CCDC141: variants seen among roughly 807,000 people sequenced by gnomAD.
CCDC141 encodes the protein coiled-coil domain containing 141.
CCDC141 carries 168 observed loss-of-function variants against 181.0 expected under a neutral mutation model. That is an observed-to-expected ratio of 0.93 (90% CI 0.82 to 1.05). The LOEUF (loss-of-function observed/expected upper bound fraction) is 1.05, where lower values mean the gene tolerates loss of function less well. CCDC141 is among the 50% of genes least tolerant of loss of function. CCDC141 has a pLI of 0.00. For synonymous variants in CCDC141, 666 were observed against 642.3 expected (o/e 1.04, Z -0.56); for missense variants, 1,902 against 1,788.5 (o/e 1.06, Z -1.14).
intron 10 of CCDC141, among the ~76,000 whole-genome samples, chr2:178,886,426 A>G (rs1283414294): frequency 6.6e-6 from 1 of 152,226 alleles, no homozygotes; most frequent in Non-Finnish European, 1.5e-5. Flanking sequence ...AATTGCCAAT[A>G]GTCAGAGAAG....
intron 11 of CCDC141, among the ~76,000 whole-genome samples, chr2:178,879,425 C>T (rs1434119078): frequency 6.6e-6 from 1 of 152,124 alleles, no homozygotes; most frequent in African/African-American, 2.4e-5. Flanking sequence ...GAAGCTGTCT[C>T]CTCATTTCCA....
intron 2 of CCDC141, among the ~76,000 whole-genome samples, chr2:178,981,370 T>C (rs774323663): frequency 1.0e-4 from 15 of 143,188 alleles, no homozygotes; most frequent in Non-Finnish European, 2.0e-4. Flanking sequence ...TTACCAAAAT[T>C]TTAAAAACAG....
intron 5 of CCDC141, among the ~76,000 whole-genome samples, chr2:178,955,143 G>A (rs941308049): frequency 5.3e-5 from 8 of 152,062 alleles, no homozygotes; most frequent in Non-Finnish European, 7.4e-5. Context: ...AAATATAGCC[G>A]GCATGGTGGC....
chr2:178,826,857 C>A (rs570596867), downstream of CCDC141, among the ~76,000 whole-genome samples: 212 of 152,010 alleles, frequency 1.4e-3, 2 homozygotes, highest in African/African-American at 4.9e-3. Flanking sequence ...TTTTAAATGT[C>A]ATTGATTTAC....
intron 8 of CCDC141, among the ~76,000 whole-genome samples, chr2:178,901,519 C>T (rs1475789879): frequency 6.6e-6 from 1 of 152,118 alleles, no homozygotes; most frequent in African/African-American, 2.4e-5. Flanking sequence ...ATGATAATCT[C>T]AATAGATGCA....
rs917597060 is a variant in CCDC141 at position 179,047,412 on chromosome 2, A to C, written c.103-6T>G. 6.0e-6 allele frequency: 9 copies of C among 1,496,914 alleles called. No homozygotes were observed. The South Asian group carries it at 1.2e-4, about 20-fold the overall frequency. The allele number at this position is 1,496,914 out of a possible 1,614,324, so 92.7% of individuals were successfully genotyped here. On this transcript the variant is annotated splice_region_variant and splice_polypyrimidine_tract_variant and intron_variant, in intron 1 of 23. Transcript: ENST00000443758. ...AGTTGTACCCATTTGCCACACTAAA[A>C]ATAAAAATTAAATAAAATGCACTTT...
chr2:178,817,410 G>A, the CCDC141 span: 1 of 446,486 alleles, frequency 2.2e-6, no homozygotes, highest in Non-Finnish European at 4.6e-6. Context: ...TAGGACAGAA[G>A]TACTTCCTAG....
At chr2:178,973,207 A>T (rs1690976648) in intron 4 of CCDC141, among the ~76,000 whole-genome samples, 1 of 152,108 alleles carries the variant, frequency 6.6e-6, no homozygotes, top group Non-Finnish European at 1.5e-5. Context: ...CATCAACTTC[A>T]TTTTTTTGTT....
At chr2:178,840,115 C>T (rs1348174183) in intron 22 of CCDC141, among the ~76,000 whole-genome samples, 1 of 152,222 alleles carries the variant, frequency 6.6e-6, no homozygotes, top group African/African-American at 2.4e-5. Flanking sequence ...TCCAGCTGCT[C>T]TCCAACTTTA....
At position 178,832,748 on chromosome 2, in the gene CCDC141, C is replaced by T. The variant is rs1330916945; in HGVS notation, c.*1425G>A. 1 of 152,076 alleles carries T rather than the reference C, an allele frequency of 6.6e-6. No individual in the cohort carries two copies. The highest frequency in any genetic ancestry group is 1.5e-5 in the Non-Finnish European group (1 of 68,018). 9.4% of individuals were successfully genotyped at this position (152,076 alleles called of 1,614,324 possible). On this transcript the variant is annotated 3_prime_UTR_variant, in exon 24 of 24. Transcript: ENST00000443758. ...TTATTTGTAGACAGTCTTCCAGCAACATAATTAATTTCTTCCCTTCATCAA... is the reference window on the plus strand; with the variant it reads ...TTATTTGTAGACAGTCTTCCAGCAATATAATTAATTTCTTCCCTTCATCAA...
the CCDC141 span, among the ~76,000 whole-genome samples, chr2:178,819,074 A>G: frequency 2.6e-5 from 4 of 152,226 alleles, no homozygotes; most frequent in Non-Finnish European, 5.9e-5. Flanking sequence ...GAGTTTCCAA[A>G]GTAAAAAAGC....
chr2:178,949,159 C>T (rs1689849021), intron 5 of CCDC141, among the ~76,000 whole-genome samples: 3 of 151,964 alleles, frequency 2.0e-5, no homozygotes, highest in South Asian at 2.1e-4. Flanking sequence ...AAGAGTGGGA[C>T]GGTATTTAGT....
At position 178,954,134 on chromosome 2, in the gene CCDC141, G is replaced by A. The variant is rs149209108; in HGVS notation, c.780+7096C>T. 2.0e-3 allele frequency among the ~76,000 whole-genome samples: 300 copies of A among 152,274 alleles called. 1 individual carries two copies. The highest frequency in any genetic ancestry group is 6.9e-3 in the African/African-American group (286 of 41,554). On this transcript the variant is annotated intron_variant, in intron 5 of 23. Transcript: ENST00000443758. ...TCTCCTAGACGTCCTTGACACTGTCGTGTACGCAGAGACCATGAATAGCTT... is the reference window on the plus strand; with the variant it reads ...TCTCCTAGACGTCCTTGACACTGTCATGTACGCAGAGACCATGAATAGCTT...
chr2:179,029,091 T>C (rs949823982), intron 2 of CCDC141, among the ~76,000 whole-genome samples: 10 of 152,140 alleles, frequency 6.6e-5, no homozygotes, highest in African/African-American at 2.4e-4. Context: ...CTTATATTTG[T>C]CTCAGCCAAA....
At chr2:178,867,676 T>G (rs1183885485) in intron 16 of CCDC141, among the ~76,000 whole-genome samples, 1 of 152,184 alleles carries the variant, frequency 6.6e-6, no homozygotes, top group Non-Finnish European at 1.5e-5. Flanking sequence ...TATATTTAAA[T>G]TAATGCAAGT....
chr2:178,824,089 C>CACACACACAT, the CCDC141 span, among the ~76,000 whole-genome samples: 1 of 151,640 alleles, frequency 6.6e-6, no homozygotes. Context: ...CACACACACA[C>CACACACACAT]GTATAGCAAA....
intron 14 of CCDC141, among the ~76,000 whole-genome samples, chr2:178,870,597 A>G (rs1389925745): frequency 6.6e-6 from 1 of 152,188 alleles, no homozygotes; most frequent in Non-Finnish European, 1.5e-5. Context: ...TGTGGATTAC[A>G]ATGGTGGGTG....
chr2:178,868,097 C>T lies in CCDC141; in HGVS notation c.2503G>A (p.Ala835Thr), dbSNP rs764586583. ...AGTCTGTGGAGATGGTCTACACGGGCTTGCTTTTCCTGAGAGCACCGGAGG... is the reference window on the plus strand; with the variant it reads ...AGTCTGTGGAGATGGTCTACACGGGTTTGCTTTTCCTGAGAGCACCGGAGG... ...IHLRCSQEKQ[A>T]RVDHLHRLAL... Residue 835 changes from alanine to threonine, a missense_variant, in exon 16 of 24, where the codon GCC becomes ACC. Physicochemically the swap from Ala to Thr is moderately conservative, Grantham distance 58 (BLOSUM62 0). Coordinates refer to ENST00000443758, the MANE Select transcript of CCDC141 (RefSeq NM_173648.4). The T allele has an allele frequency of 3.1e-6, 5 of 1,614,036 alleles. No individual in the cohort carries two copies. The highest frequency in any genetic ancestry group is 1.7e-5 in the Admixed American group (1 of 60,008).
intron 22 of CCDC141, 33 bp from the exon 23 acceptor site, chr2:178,837,777 C>A (rs777001435): frequency 1.3e-6 from 2 of 1,558,976 alleles, no homozygotes; most frequent in South Asian, 1.2e-5. Context: ...CATCCTTATT[C>A]ATTCATTTTT....
Sources: allele counts gnomAD v4.1 joint callset (sites outside exome capture counted in the v4.1 genomes callset), GRCh38; gene constraint gnomAD v4.1.1; transcripts MANE v1.5; gene names NCBI Gene and HGNC (gene_info 2026-07-23, HGNC 2026-07-21).